The following NRXN3 variants were observed in gnomAD, a reference collection of about 807,000 sequenced individuals.
NRXN3 encodes neurexin III.
A neutral mutation model predicts 137.6 loss-of-function variants in NRXN3; 32 were observed. The observed-to-expected ratio is 0.23, with a 90% CI of 0.18 to 0.31. The LOEUF (loss-of-function observed/expected upper bound fraction) is 0.31. NRXN3 is among the 10% of genes least tolerant of loss of function. The pLI, the probability that NRXN3 is intolerant of heterozygous loss-of-function variation, is 1.00. For missense variants in NRXN3, 1,574 were observed against 2,062.5 expected (o/e 0.76, Z 4.59); for synonymous variants, 798 against 784.5 (o/e 1.02, Z -0.29).
chr14:79,713,702 G>A (rs960257708), intron 19 of NRXN3, among the ~76,000 whole-genome samples: 4 of 149,256 alleles, frequency 2.7e-5, no homozygotes, highest in Non-Finnish European at 4.5e-5. Flanking sequence ...AAGGCAAAAT[G>A]TTCAACTCTT....
intron 20 of NRXN3, among the ~76,000 whole-genome samples, chr14:79,834,045 C>T (rs2099330268): frequency 6.6e-6 from 1 of 151,386 alleles, no homozygotes; most frequent in Non-Finnish European, 1.5e-5. Flanking sequence ...ATTTGTGTTA[C>T]AGCACATACA....
chr14:79,752,468 A>G (rs1274711462), intron 19 of NRXN3, among the ~76,000 whole-genome samples: 8 of 152,328 alleles, frequency 5.3e-5, no homozygotes, highest in Non-Finnish European at 1.2e-4. Flanking sequence ...GCAATGGGGA[A>G]AGGATTCCCT....
chr14:78,962,434 G>A (rs1321145810), intron 11 of NRXN3, among the ~76,000 whole-genome samples: 10 of 152,114 alleles, frequency 6.6e-5, no homozygotes. Context: ...GAAAGAAGCG[G>A]CTGTGAGGTA....
chr14:79,518,519 T>C (rs1182332855), intron 16 of NRXN3, among the ~76,000 whole-genome samples: 1 of 152,130 alleles, frequency 6.6e-6, no homozygotes, highest in Non-Finnish European at 1.5e-5. Context: ...GAGCTGTGTG[T>C]GTATATATAC....
intron 10 of NRXN3, among the ~76,000 whole-genome samples, chr14:78,912,806 A>T (rs753926831): frequency 2.0e-5 from 3 of 152,218 alleles, no homozygotes; most frequent in Non-Finnish European, 2.9e-5. Flanking sequence ...GAATGAGAAT[A>T]CATGGAGGAT....
At chr14:79,142,767 G>C (rs866518432) in intron 15 of NRXN3, among the ~76,000 whole-genome samples, 1 of 152,140 alleles carries the variant, frequency 6.6e-6, no homozygotes, top group African/African-American at 2.4e-5. Flanking sequence ...GGAGAGAAAT[G>C]ATGAGGAATG....
intron 17 of NRXN3, chr14:79,668,994 T>A (rs886520577): frequency 3.0e-4 from 45 of 152,116 alleles, no homozygotes; most frequent in African/African-American, 1.1e-3. Flanking sequence ...CAAGTCTATG[T>A]ACTTGACATG....
chr14:79,758,606 C>A (rs2099028046), intron 19 of NRXN3, among the ~76,000 whole-genome samples: 1 of 152,124 alleles, frequency 6.6e-6, no homozygotes, highest in Admixed American at 6.6e-5. Context: ...GGACAAATAT[C>A]CAAACTATTA....
At chr14:78,310,581 C>G (rs149539833) in intron 4 of NRXN3, among the ~76,000 whole-genome samples, 3 of 151,896 alleles carry the variant, frequency 2.0e-5, no homozygotes, top group Non-Finnish European at 2.9e-5. Flanking sequence ...CAAATTGTTA[C>G]GAGTGAGGTT....
At chr14:78,369,658 A>G (rs1343366007) in intron 4 of NRXN3, among the ~76,000 whole-genome samples, 1 of 152,218 alleles carries the variant, frequency 6.6e-6, no homozygotes, top group Admixed American at 6.5e-5. Flanking sequence ...GCTTTGATCC[A>G]AGGTCTAAGA....
rs1034698774 is a variant in NRXN3, at chr14:78,217,807, G to A, written c.-703-24584G>A. The stretch of plus-strand genomic sequence containing the variant: ...CTCCCAAGTAGCTGGGATTACAGGC[G>A]TGTACACCATGCCTGGCTAAGTTTT... On this transcript the variant is annotated intron_variant, in intron 1 of 20. Coordinates refer to ENST00000335750, the MANE Select transcript of NRXN3 (RefSeq NM_001330195.2). Among the ~76,000 whole-genome samples the A allele has an allele frequency of 2.6e-5, 4 of 152,196 alleles. 1 individual carries two copies. The highest frequency in any genetic ancestry group is 6.5e-5 in the Admixed American group (1 of 15,298).
chr14:79,403,723 C>T (rs1440407414), intron 15 of NRXN3, among the ~76,000 whole-genome samples: 1 of 152,068 alleles, frequency 6.6e-6, no homozygotes, highest in Non-Finnish European at 1.5e-5. Flanking sequence ...TTGACCCTTG[C>T]ATGTGAGTGA....
At chr14:79,287,700 G>A (rs1029688398) in intron 15 of NRXN3, among the ~76,000 whole-genome samples, 1 of 152,176 alleles carries the variant, frequency 6.6e-6, no homozygotes, top group Non-Finnish European at 1.5e-5. Context: ...AATTCTTACT[G>A]AGAGACATGG....
At chr14:78,851,462 T>C (rs79323760) in intron 10 of NRXN3, among the ~76,000 whole-genome samples, 3,535 of 152,260 alleles carry the variant, frequency 0.023, 155 homozygotes, top group African/African-American at 0.081. Flanking sequence ...CTAGATCTCA[T>C]AGATTAGCAG....
chr14:79,104,837 T>C (rs1431961866), intron 15 of NRXN3, among the ~76,000 whole-genome samples: 1 of 151,790 alleles, frequency 6.6e-6, no homozygotes, highest in Non-Finnish European at 1.5e-5. Flanking sequence ...TTTTTTTTTT[T>C]CCTTTGGGTA....
chr14:78,825,153 C>G (rs370227478), intron 10 of NRXN3, among the ~76,000 whole-genome samples: 99 of 132,908 alleles, frequency 7.4e-4, no homozygotes, highest in African/African-American at 2.9e-3. Flanking sequence ...GCCGAGATTG[C>G]AACACTGCAC....
Position 79,740,646 on chromosome 14 carries a change from A to T in NRXN3, c.4014+42709A>T, listed in dbSNP as rs4903873. ...ATTTACAACTTTTGCATCTCTTCTG[A>T]TTTCTATCCTCTGCTAATGACACTT... On this transcript the variant is annotated intron_variant, in intron 19 of 20. Transcript: ENST00000335750. Among the ~76,000 whole-genome samples, 58 of 137,654 alleles carry T rather than the reference A, an allele frequency of 4.2e-4. No individual in the cohort carries two copies. In the East Asian group the frequency reaches 5.0e-3, roughly 12 times the overall value. 90.3% of individuals were successfully genotyped at this position (137,654 alleles called of 152,430 possible).
At chr14:78,966,502 C>G in intron 12 of NRXN3, 96 bp downstream of exon 12, 1 of 1,280,308 alleles carries the variant, frequency 7.8e-7, no homozygotes, top group East Asian at 2.3e-5. Context: ...TATTCTACTC[C>G]CTACCCTCCA....
intron 19 of NRXN3, among the ~76,000 whole-genome samples, chr14:79,727,603 G>T (rs998966014): frequency 5.3e-5 from 8 of 151,426 alleles, no homozygotes; most frequent in Non-Finnish European, 1.0e-4. Flanking sequence ...GATGATTTGG[G>T]TTAAAAAAAA....
Sources: gnomAD v4.1 joint callset for allele counts (sites outside exome capture counted in the v4.1 genomes callset) on GRCh38, gnomAD v4.1.1 for gene constraint, MANE v1.5 for transcripts, NCBI Gene and HGNC (gene_info 2026-07-23, HGNC 2026-07-21) for gene names.